Variants in MAP3K1 observed in about 807,000 individuals in gnomAD.
MAP3K1 encodes the protein MAP/ERK kinase kinase 1.
In MAP3K1, 36 loss-of-function variants were observed where a neutral mutation model predicts 144.2. The ratio of observed to expected loss-of-function variants is 0.25; its 90% confidence interval spans 0.19 to 0.33. The LOEUF (loss-of-function observed/expected upper bound fraction) is 0.33, where lower values mean the gene tolerates loss of function less well. MAP3K1 is among the 10% of genes least tolerant of loss of function. The pLI, the probability that MAP3K1 is intolerant of heterozygous loss-of-function variation, is 1.00. For missense variants in MAP3K1, 1,650 were observed against 1,881.9 expected, an observed-to-expected ratio of 0.88 and a Z score of 2.28; for synonymous variants, 718 against 688.7, an observed-to-expected ratio of 1.04 and a Z score of -0.67.
chr5:56,827,354 G>A (rs1400821136), intron 1 of MAP3K1, among the ~76,000 whole-genome samples: 1 of 152,178 alleles, frequency 6.6e-6, no homozygotes, highest in Non-Finnish European at 1.5e-5. Flanking sequence ...GGGTCAGGAG[G>A]CCCCAAGAAG....
chr5:56,892,994 A>G (rs973144205), intron 19 of MAP3K1, among the ~76,000 whole-genome samples: 1 of 152,040 alleles, frequency 6.6e-6, no homozygotes, highest in Non-Finnish European at 1.5e-5. Context: ...AAGTATTCAG[A>G]CTTACAATTT....
intron 1 of MAP3K1, among the ~76,000 whole-genome samples, chr5:56,831,853 T>C (rs548216389): frequency 6.6e-5 from 10 of 152,362 alleles, no homozygotes; most frequent in South Asian, 2.1e-4. Context: ...GTAAAAAACC[T>C]AATTGAATTG....
At chr5:56,820,895 A>C in intron 1 of MAP3K1, 3 of 601,340 alleles carry the variant, frequency 5.0e-6, no homozygotes, top group Non-Finnish European at 6.3e-6. Flanking sequence ...GGGATACAAC[A>C]TATTAGTTTC....
At chr5:56,864,287 C>G (rs895643443) in intron 3 of MAP3K1, among the ~76,000 whole-genome samples, 2 of 151,976 alleles carry the variant, frequency 1.3e-5, no homozygotes, top group African/African-American at 4.8e-5. Flanking sequence ...AATCATTTAG[C>G]CTTTGTTCCA....
In MAP3K1 at chr5:56,894,738, A is replaced by T. The variant is rs1748652930; in HGVS notation, c.*1058A>T. ...AGCTGCCATTTTCCTTTTACCATGC[A>T]TCATCTCTTTACAGTAGGCCTGGCA... is the stretch of plus-strand genomic sequence containing the variant. On this transcript the variant is annotated 3_prime_UTR_variant, in exon 20 of 20. Transcript: ENST00000399503. The T allele has an allele frequency of 4.3e-6, 1 of 232,276 alleles. No homozygotes were observed. The highest frequency in any genetic ancestry group is 2.2e-5 in the African/African-American group (1 of 45,310). 14.4% of individuals were successfully genotyped at this position (232,276 alleles called of 1,614,324 possible).
At chr5:56,860,354 G>C (rs1252905951) in intron 3 of MAP3K1, among the ~76,000 whole-genome samples, 1 of 152,130 alleles carries the variant, frequency 6.6e-6, no homozygotes, top group African/African-American at 2.4e-5. Flanking sequence ...GATGAAATGG[G>C]ATGCATGCAT....
chr5:56,873,358 TTTC>T (rs1008176256), intron 9 of MAP3K1, among the ~76,000 whole-genome samples: 1 of 152,228 alleles, frequency 6.6e-6, no homozygotes, highest in Non-Finnish European at 1.5e-5. Context: ...TTTTATCATG[TTTC>T]TTATTTGCTG....
In MAP3K1 at chr5:56,815,677, G is replaced by C; in HGVS notation, c.104G>C (p.Ser35Thr). The change falls in exon 1 of 20, where the codon AGC becomes ACC. Residue 35 changes from serine to threonine, a missense_variant. Physicochemically the swap from Ser to Thr is moderately conservative, Grantham distance 58 (BLOSUM62 1). This residue lies in a region of MAP3K1 where 360 missense variants were observed against 274.7 expected (regional missense o/e 1.31). Coordinates refer to ENST00000399503, the MANE Select transcript of MAP3K1 (RefSeq NM_005921.2). ...GGGGGALKAS[S>T]APAAAAGLLR... ...GGCGGAGGAGCCCTCAAGGCGAGCAGCGCGCCCGCGGCTGCCGCGGGACTG... is the reference window on the plus strand; with the variant it reads ...GGCGGAGGAGCCCTCAAGGCGAGCACCGCGCCCGCGGCTGCCGCGGGACTG... The C allele has an allele frequency of 7.7e-7, 1 of 1,306,412 alleles. No individual in the cohort carries two copies. The allele number at this position is 1,306,412 out of a possible 1,614,324, so 80.9% of individuals were successfully genotyped here.
In MAP3K1 at chr5:56,886,033, G is replaced by A. The variant is rs2111958411; in HGVS notation, c.4084G>A (p.Glu1362Lys). The A allele has an allele frequency of 6.2e-7, 1 of 1,612,446 alleles. No homozygotes were observed. The highest frequency in any genetic ancestry group is 8.5e-7 in the Non-Finnish European group (1 of 1,178,584). ...QLLRGLSYLH[E>K]NQIIHRDVKG... ...ACTCCGTGGCCTTTCGTATCTCCAT[G>A]AAAACCAAATCATTCACAGAGATGT... The change falls in exon 17 of 20, where the codon GAA (glutamate) becomes AAA (lysine). Residue 1362 changes from glutamate to lysine, a missense_variant. Coordinates refer to ENST00000399503, the MANE Select transcript of MAP3K1 (RefSeq NM_005921.2).
In MAP3K1 at chr5:56,859,738, AG is replaced by A; in HGVS notation, c.659del (p.Gly220GlufsTer6). Reference protein sequence around the residue: ...PVVVKPIPVKGDGSEMNHLAA... With the variant: ...PVVVKPIPVKXDGSEMNHLAA... ...AGGTGGTAAAACCAATCCCAGTTAA[AG>A]GAGATGGATCTGAAATGAATCACTT... On this transcript the variant is annotated frameshift_variant, in exon 3 of 20. Transcript: ENST00000399503. LOFTEE classifies it high-confidence loss of function. 6.2e-7 allele frequency: 1 copy of A among 1,614,014 alleles called. No homozygotes were observed. Among genetic ancestry groups the A allele is most frequent in the Non-Finnish European group, 8.5e-7 (1 of 1,179,968 alleles).
At chr5:56,856,060 A>G (rs186267196) in intron 1 of MAP3K1, among the ~76,000 whole-genome samples, 3 of 152,316 alleles carry the variant, frequency 2.0e-5, no homozygotes, top group Admixed American at 1.3e-4. Flanking sequence ...TATTCTTTAT[A>G]GAGTACCCCA....
chr5:56,839,369 A>G (rs2111808855), intron 1 of MAP3K1, among the ~76,000 whole-genome samples: 1 of 152,338 alleles, frequency 6.6e-6, no homozygotes, highest in South Asian at 2.1e-4. Context: ...CATGAGTGGT[A>G]TTTAAAAGAG....
At chr5:56,890,049 C>T (rs1748502924) in intron 19 of MAP3K1, among the ~76,000 whole-genome samples, 1 of 152,136 alleles carries the variant, frequency 6.6e-6, no homozygotes, top group Non-Finnish European at 1.5e-5. Context: ...CCTTTTTACT[C>T]ATTCCAGATT....
intron 1 of MAP3K1, among the ~76,000 whole-genome samples, chr5:56,825,983 G>GA (rs1320600695): frequency 6.6e-6 from 1 of 150,792 alleles, no homozygotes; most frequent in East Asian, 1.9e-4. Flanking sequence ...TTTTTTTAAA[G>GA]AAAACAATTT....
In MAP3K1 at chr5:56,895,284, A is replaced by G. The variant is rs1748670057; in HGVS notation, c.*1604A>G. 4.3e-6 allele frequency: 1 copy of G among 232,068 alleles called. No individual in the cohort carries two copies. Among genetic ancestry groups the G allele is most frequent in the Non-Finnish European group, 8.5e-6 (1 of 117,402 alleles). The allele number at this position is 232,068 out of a possible 1,614,324, so 14.4% of individuals were successfully genotyped here. A position where few individuals can be genotyped will look rare whatever the true frequency, so the allele number is the denominator to read the frequency against. On this transcript the variant is annotated 3_prime_UTR_variant, in exon 20 of 20. Coordinates refer to ENST00000399503, the MANE Select transcript of MAP3K1 (RefSeq NM_005921.2). ...ATTCCTTTGTTTTGGAAGATTGGCG[A>G]TATTTGAAGAGTTAAAAATAGTACA...
chr5:56,821,608 G>A (rs987153866), intron 1 of MAP3K1, among the ~76,000 whole-genome samples: 13 of 152,116 alleles, frequency 8.5e-5, no homozygotes, highest in Non-Finnish European at 1.5e-4. Context: ...TGTTGCCCAG[G>A]CTGGAATCGA....
intron 1 of MAP3K1, among the ~76,000 whole-genome samples, chr5:56,830,916 A>ATTTTTT (rs201148665): frequency 6.8e-6 from 1 of 146,252 alleles, no homozygotes; most frequent in Non-Finnish European, 1.5e-5. Context: ...TCTAGGATTG[A>ATTTTTT]TTTTTTTTTT....
At chr5:56,836,093 G>A (rs1446745607) in intron 1 of MAP3K1, among the ~76,000 whole-genome samples, 1 of 152,156 alleles carries the variant, frequency 6.6e-6, no homozygotes, top group Admixed American at 6.5e-5. Flanking sequence ...GTTTGTAAGT[G>A]TGCGCAGAAC....
intron 1 of MAP3K1, among the ~76,000 whole-genome samples, chr5:56,847,500 G>C (rs1747035104): frequency 6.6e-6 from 1 of 152,214 alleles, no homozygotes; most frequent in South Asian, 2.1e-4. Flanking sequence ...GGGAGGCGAG[G>C]CTGCAGAATT....
Sources: allele counts gnomAD v4.1 joint callset (sites outside exome capture counted in the v4.1 genomes callset), GRCh38; gene constraint gnomAD v4.1.1; regional missense constraint gnomAD v4.1.1; transcripts MANE v1.5; gene names NCBI Gene and HGNC (gene_info 2026-07-23, HGNC 2026-07-21).